PLEKHG1: variants seen among roughly 807,000 people sequenced by gnomAD.
The protein encoded by PLEKHG1 is pleckstrin homology and RhoGEF domain containing G1.
PLEKHG1 carries 44 observed loss-of-function variants against 100.8 expected under a neutral mutation model. The observed-to-expected ratio is 0.44, with a 90% CI of 0.34 to 0.56. The LOEUF (loss-of-function observed/expected upper bound fraction) is 0.56, where lower values mean the gene tolerates loss of function less well. PLEKHG1 is among the 20% of genes least tolerant of loss of function. PLEKHG1 has a pLI of 0.01. For missense variants in PLEKHG1, 1,545 were observed against 1,720.9 expected (o/e 0.90, Z 1.81); for synonymous variants, 640 against 662.5 (o/e 0.97, Z 0.52).
At chr6:150,710,330 C>T (rs1781198395) in intron 3 of PLEKHG1, among the ~76,000 whole-genome samples, 1 of 152,220 alleles carries the variant, frequency 6.6e-6, no homozygotes, top group African/African-American at 2.4e-5. Flanking sequence ...TCAGTCTGTC[C>T]TTTTGTGACC....
chr6:150,665,506 T>G (rs1779360650), intron 3 of PLEKHG1, among the ~76,000 whole-genome samples: 1 of 152,090 alleles, frequency 6.6e-6, no homozygotes, highest in African/African-American at 2.4e-5. Context: ...GGCACGTGCC[T>G]GTAGTCCCAG....
At chr6:150,738,656 T>C (rs1782695422) in intron 2 of PLEKHG1, among the ~76,000 whole-genome samples, 1 of 152,242 alleles carries the variant, frequency 6.6e-6, no homozygotes, top group Non-Finnish European at 1.5e-5. Context: ...GTGGTTCTTA[T>C]TCCTGTTGCT....
At chr6:150,808,841 G>A (rs1278424645) in intron 7 of PLEKHG1, among the ~76,000 whole-genome samples, 2 of 152,304 alleles carry the variant, frequency 1.3e-5, no homozygotes, top group Non-Finnish European at 1.5e-5. Flanking sequence ...AAGGGCTGCT[G>A]TGAGCCACAG....
intron 2 of PLEKHG1, among the ~76,000 whole-genome samples, chr6:150,745,986 G>A (rs979199039): frequency 1.4e-4 from 21 of 151,608 alleles, no homozygotes; most frequent in African/African-American, 5.1e-4. Flanking sequence ...AAGATAGACT[G>A]AGAGGAAAGA....
At chr6:150,718,469 CTT>C (rs3072740), upstream of PLEKHG1, among the ~76,000 whole-genome samples, 7 of 130,662 alleles carry the variant, frequency 5.4e-5, no homozygotes, top group African/African-American at 8.4e-5. Flanking sequence ...CTTCCCTTTA[CTT>C]TTTTTTTTTT....
chr6:150,749,212 G>A (rs1207221144), intron 2 of PLEKHG1, among the ~76,000 whole-genome samples: 3 of 152,102 alleles, frequency 2.0e-5, no homozygotes, highest in South Asian at 2.1e-4. Context: ...TGCCTCCTAC[G>A]TGCCAGTTAA....
intron 3 of PLEKHG1, chr6:150,662,880 C>CA (rs1367988663): frequency 1.3e-5 from 2 of 152,096 alleles, no homozygotes; most frequent in Middle Eastern, 3.2e-3. Context: ...ATTTTTTAGA[C>CA]AAAAAATTTG....
chr6:150,677,285 T>TAC (rs34821237), intron 3 of PLEKHG1, among the ~76,000 whole-genome samples: 50,406 of 150,332 alleles, frequency 0.34, 9,155 homozygotes, highest in Middle Eastern at 0.44. Context: ...TCTTCCCCTA[T>TAC]ACACACACAC....
chr6:150,721,194 A>G, exon 1 of PLEKHG1: 1 of 984,270 alleles, frequency 1.0e-6, no homozygotes, highest in Non-Finnish European at 1.2e-6. Context: ...GCCTGAGTGG[A>G]GCAGAGGTAG....
chr6:150,800,529 C>T (rs983677411), intron 5 of PLEKHG1, among the ~76,000 whole-genome samples, 190 bp from the exon 7 acceptor site: 7 of 152,174 alleles, frequency 4.6e-5, no homozygotes, highest in African/African-American at 1.4e-4. Flanking sequence ...CCAGTGGGTC[C>T]GGTGCCTTTT....
At chr6:150,682,679 C>T (rs1779975384) in intron 3 of PLEKHG1, among the ~76,000 whole-genome samples, 2 of 152,120 alleles carry the variant, frequency 1.3e-5, no homozygotes, top group Admixed American at 6.6e-5. Context: ...CCTGAGCAGC[C>T]CTTCACACAC....
chr6:150,737,091 G>T (rs1028495819), intron 2 of PLEKHG1, among the ~76,000 whole-genome samples: 2 of 152,162 alleles, frequency 1.3e-5, no homozygotes, highest in African/African-American at 4.8e-5. Flanking sequence ...CTTTAGAATT[G>T]TTTCATATGA....
chr6:150,821,110 A>G (rs969327122), intron 12 of PLEKHG1, 85 bp from the exon 14 acceptor site: 18 of 1,040,020 alleles, frequency 1.7e-5, no homozygotes, highest in East Asian at 7.1e-5. Context: ...TAATCTGTCA[A>G]TAGGCTCATA....
chr6:150,722,349 C>CTTTTTT (rs139069069), intron 1 of PLEKHG1, among the ~76,000 whole-genome samples: 83 of 90,662 alleles, frequency 9.2e-4, no homozygotes, highest in African/African-American at 1.7e-3. Flanking sequence ...TTTTTCTTTT[C>CTTTTTT]TTTTTTTTTT....
intron 15 of PLEKHG1, among the ~76,000 whole-genome samples, chr6:150,838,252 A>G (rs116121263): frequency 0.034 from 5,106 of 152,340 alleles, 108 homozygotes; most frequent in South Asian, 0.067. Context: ...TTCCTTCATA[A>G]AGATTGTGTC....
At chr6:150,829,454 C>G (rs1227549848) in intron 14 of PLEKHG1, among the ~76,000 whole-genome samples, 1 of 152,088 alleles carries the variant, frequency 6.6e-6, no homozygotes, top group Non-Finnish European at 1.5e-5. Flanking sequence ...CCTGTCTCTA[C>G]TAAAAATACA....
At chr6:150,727,768 C>T (rs150902851) in intron 1 of PLEKHG1, among the ~76,000 whole-genome samples, 1 of 152,228 alleles carries the variant, frequency 6.6e-6, no homozygotes, top group African/African-American at 2.4e-5. Context: ...TGGGTGGAAC[C>T]AGCTTATTTT....
rs760640018 is a variant in PLEKHG1 at position 150,831,888 on chromosome 6, G to T, written c.2777G>T (p.Gly926Val). The T allele has an allele frequency of 3.1e-6, 5 of 1,613,864 alleles. No homozygotes were observed. In the South Asian group the frequency reaches 4.4e-5, roughly 14 times the overall value. ...GAGGAAGACCTGATTTCTAAAGAAG[G>T]CTCCTTTATGAGCCTTAACCGGCTT... Residue 926 changes from glycine to valine, a missense_variant, in exon 15 of 16, where the codon GGC (glycine) becomes GTC (valine). Physicochemically the swap from Gly to Val is moderately radical, Grantham distance 109. Coordinates refer to ENST00000358517, the Ensembl canonical transcript of PLEKHG1. This position sits in a 1 kb window ranked among gnomAD's most constrained non-coding sequence, Gnocchi z 4.1.
chr6:150,603,438 A>G (rs1389508927), intron 1 of PLEKHG1, among the ~76,000 whole-genome samples: 2 of 152,202 alleles, frequency 1.3e-5, no homozygotes, highest in Non-Finnish European at 2.9e-5. Context: ...TATATTGTCT[A>G]TGCTGATGAA....
Sources: gnomAD v4.1 joint callset for allele counts (sites outside exome capture counted in the v4.1 genomes callset) on GRCh38, gnomAD v4.1.1 for gene constraint, Gnocchi (gnomAD v3.1) non-coding constraint, MANE v1.5 for transcripts, NCBI Gene and HGNC (gene_info 2026-07-23, HGNC 2026-07-21) for gene names.